MME: variants seen among roughly 807,000 people sequenced by gnomAD.
MME encodes the protein membrane metalloendopeptidase.
In MME, 98 loss-of-function variants were observed where a neutral mutation model predicts 113.2. That is an observed-to-expected ratio of 0.87 (90% confidence interval 0.74 to 1.02). The LOEUF is 1.02. Ranked by LOEUF, MME falls within the 50% of genes least tolerant of loss-of-function variation. The probability of loss-of-function intolerance (pLI) is 0.00; values close to 1 mark genes in which losing one functional copy is unlikely to be tolerated. For synonymous variants in MME, 292 were observed against 300.6 expected (o/e 0.97, Z 0.30); for missense variants, 836 against 896.0 (o/e 0.93, Z 0.86).
intron 3 of MME, among the ~76,000 whole-genome samples, chr3:155,088,277 A>G (rs1453335245): frequency 1.3e-5 from 2 of 152,170 alleles, no homozygotes; most frequent in Non-Finnish European, 2.9e-5. Context: ...GAAAAATACA[A>G]CTATTTCTTT....
At chr3:155,164,236 A>C (rs1370110064) in intron 17 of MME, among the ~76,000 whole-genome samples, 2 of 152,142 alleles carry the variant, frequency 1.3e-5, no homozygotes, top group African/African-American at 4.8e-5. Context: ...TCTAAAATTG[A>C]ATTGCTAGCA....
intron 1 of MME, among the ~76,000 whole-genome samples, chr3:155,070,361 G>A (rs1714512183): frequency 6.6e-6 from 1 of 152,190 alleles, no homozygotes; most frequent in Admixed American, 6.5e-5. Flanking sequence ...ATTTTAAACA[G>A]TATAATGAAA....
In MME at chr3:155,116,776, A is replaced by G. The variant is rs1349780906; in HGVS notation, c.535+17A>G. ...AAAAATATGGTAAGGCAATTTTCCT[A>G]CTAAAAAAGAAATTTCCATGTAAAA... On this transcript the variant is annotated intron_variant, in intron 6 of 22. Transcript: ENST00000360490. 8 of 1,601,512 alleles carry G rather than the reference A, an allele frequency of 5.0e-6. 1 individual carries two copies. Among genetic ancestry groups the G allele is most frequent in the Middle Eastern group, 1.7e-4 (1 of 6,024 alleles).
chr3:155,125,043 T>G (rs1287306406), intron 8 of MME, among the ~76,000 whole-genome samples: 1 of 151,252 alleles, frequency 6.6e-6, no homozygotes, highest in African/African-American at 2.4e-5. Context: ...CAGTTTGATC[T>G]CAGACTGCTG....
At chr3:155,079,412 G>A (rs978092346), upstream of MME, among the ~76,000 whole-genome samples, 2 of 152,024 alleles carry the variant, frequency 1.3e-5, no homozygotes, top group Non-Finnish European at 2.9e-5. Context: ...TGAAAGCCCC[G>A]AAGCTAAGCA....
chr3:155,142,986 T>C (rs769221291), intron 12 of MME, among the ~76,000 whole-genome samples: 24 of 152,164 alleles, frequency 1.6e-4, no homozygotes, highest in Non-Finnish European at 2.6e-4. Context: ...TGTATTGTGC[T>C]AAATCTCCCT....
At chr3:155,048,974 T>A (rs564495003) in intron 1 of MME, among the ~76,000 whole-genome samples, 1 of 152,306 alleles carries the variant, frequency 6.6e-6, no homozygotes, top group South Asian at 2.1e-4. Context: ...GTTTTTAACA[T>A]GTTTAACTTA....
At chr3:155,085,321 G>T (rs1462237186) in intron 3 of MME, 1 of 365,244 alleles carries the variant, frequency 2.7e-6, no homozygotes. Context: ...TGTATAGCAG[G>T]GCAATAGAAA....
intron 3 of MME, among the ~76,000 whole-genome samples, chr3:155,107,471 T>C (rs1011809085): frequency 2.6e-5 from 4 of 152,204 alleles, no homozygotes; most frequent in Admixed American, 6.5e-5. Context: ...GGCTAATTTA[T>C]AGTGACCAAG....
chr3:155,039,464 T>C (rs1713234497), intron 1 of MME, among the ~76,000 whole-genome samples: 1 of 152,180 alleles, frequency 6.6e-6, no homozygotes, highest in Admixed American at 6.5e-5. Flanking sequence ...TTAACTGAGA[T>C]TCAGTCAGCT....
At position 155,180,410 on chromosome 3, in the gene MME, G is replaced by A. The variant is rs1712971394; in HGVS notation, c.2204G>A (p.Cys735Tyr). The change falls in exon 23 of 23, where the codon TGC becomes TAC. Residue 735 changes from cysteine to tyrosine, a missense_variant. Cys to Tyr is a radical substitution (Grantham distance 194, BLOSUM62 -2). Coordinates refer to ENST00000360490, the MANE Select transcript of MME (RefSeq NM_007289.4). ...NSAEFSEAFHCRKNSYMNPEK... is the reference protein window; with the variant it reads ...NSAEFSEAFHYRKNSYMNPEK... ...GCAGAGTTTTCAGAAGCCTTTCACT[G>A]CCGCAAGAATTCATACATGAATCCA... The A allele has an allele frequency of 6.2e-7, 1 of 1,613,632 alleles. No homozygotes were observed. Among genetic ancestry groups the A allele is most frequent in the Non-Finnish European group, 8.5e-7 (1 of 1,179,646 alleles).
Position 155,147,043 on chromosome 3 carries a change from A to T in MME, c.1417-101A>T, listed in dbSNP as rs548138455. On this transcript the variant is annotated intron_variant, in intron 14 of 22. Coordinates refer to ENST00000360490, the MANE Select transcript of MME (RefSeq NM_007289.4). ...TATGTCAGACACTCATTTTATGAACAGTATGGATCAAGTTATTCAATTGCT... is the reference window on the plus strand; with the variant it reads ...TATGTCAGACACTCATTTTATGAACTGTATGGATCAAGTTATTCAATTGCT... 4.8e-5 allele frequency: 37 copies of T among 767,578 alleles called. No individual in the cohort carries two copies. In the African/African-American group the frequency reaches 5.3e-4, roughly 11 times the overall value. The allele number at this position is 767,578 out of a possible 1,614,324, so 47.5% of individuals were successfully genotyped here.
intron 1 of MME, among the ~76,000 whole-genome samples, chr3:155,044,245 G>C (rs2108123172): frequency 6.9e-6 from 1 of 145,478 alleles, no homozygotes; most frequent in Middle Eastern, 3.9e-3. Context: ...CAATTCTCCT[G>C]CCTCAGCTTC....
At chr3:155,148,778 G>T (rs1721714433) in intron 16 of MME, 125 bp downstream of exon 16, 2 of 724,862 alleles carry the variant, frequency 2.8e-6, no homozygotes. Flanking sequence ...TCTTTTTATT[G>T]AGAACTTCTA....
chr3:155,115,186 A>G (rs200895277), intron 4 of MME, 31 bp downstream of exon 4: 3 of 1,609,978 alleles, frequency 1.9e-6, no homozygotes, highest in South Asian at 2.2e-5. Flanking sequence ...TGCATCAAAG[A>G]TTTCTCTCTT....
rs534091442 is a variant in MME, at chr3:155,137,889, A to G, written c.721-213A>G. ...TACATTACTTAGTACTTTCAAAGTG[A>G]TACCTCATTGCTCTCCTTTAAGCTC... is the stretch of plus-strand genomic sequence containing the variant. On this transcript the variant is annotated intron_variant, in intron 8 of 22. Transcript: ENST00000360490. 2.0e-5 allele frequency among the ~76,000 whole-genome samples: 3 copies of G among 152,166 alleles called. No individual in the cohort carries two copies. In the East Asian group the frequency reaches 5.8e-4, roughly 29 times the overall value.
At chr3:155,087,278 AT>A (rs1273995058) in intron 3 of MME, among the ~76,000 whole-genome samples, 1 of 98,302 alleles carries the variant, frequency 1.0e-5, no homozygotes, top group East Asian at 2.7e-4. Context: ...TCGTTTTTTG[AT>A]GGATTTTTTT....
chr3:155,162,399 A>C (rs967327989), intron 17 of MME, among the ~76,000 whole-genome samples: 3 of 152,200 alleles, frequency 2.0e-5, no homozygotes, highest in Non-Finnish European at 4.4e-5. Flanking sequence ...AAGGAAAAAG[A>C]AGGTAAAAGT....
At chr3:155,160,318 G>A (rs1420921124) in intron 16 of MME, 72 bp from the exon 17 acceptor site, 3 of 1,008,866 alleles carry the variant, frequency 3.0e-6, no homozygotes, top group Non-Finnish European at 4.8e-6. Flanking sequence ...TGGTAATAAT[G>A]CTTTAATTGT....
Sources: allele counts gnomAD v4.1 joint callset (sites outside exome capture counted in the v4.1 genomes callset), GRCh38; gene constraint gnomAD v4.1.1; transcripts MANE v1.5; gene names NCBI Gene and HGNC (gene_info 2026-07-23, HGNC 2026-07-21).